The following MOB3B variants were observed in gnomAD, a reference collection of about 807,000 sequenced individuals.
MOB3B encodes the protein MOB kinase activator 3B.
MOB3B carries 7 observed loss-of-function variants against 18.7 expected under a neutral mutation model. The observed-to-expected ratio is 0.37, with a 90% CI of 0.21 to 0.70. MOB3B has a LOEUF of 0.70. Among genes scored for constraint, MOB3B ranks in the 30% least tolerant of loss-of-function variants. The probability of loss-of-function intolerance (pLI) is 0.52; values close to 1 mark genes in which losing one functional copy is unlikely to be tolerated. For missense variants in MOB3B, 253 were observed against 281.3 expected (o/e 0.90, Z 0.72); for synonymous variants, 111 against 99.9 (o/e 1.11, Z -0.66).
intron 2 of MOB3B, among the ~76,000 whole-genome samples, chr9:27,429,941 G>A (rs1186385442): frequency 6.6e-6 from 1 of 152,148 alleles, no homozygotes; most frequent in Non-Finnish European, 1.5e-5. Context: ...TAGTGTCTGA[G>A]GCAGACAGAT....
chr9:27,447,760 A>G (rs1267645692), intron 2 of MOB3B, among the ~76,000 whole-genome samples: 4 of 152,286 alleles, frequency 2.6e-5, no homozygotes, highest in South Asian at 2.1e-4. Context: ...AAGTCATTGC[A>G]GTATTGGGTT....
In MOB3B at chr9:27,443,492, C is replaced by T. The variant is rs371428748; in HGVS notation, c.418+11641G>A. ...TCTATCACTGAACCTTCTCAAACTG[C>T]GAAAGGTATTCTTAAATATCAGGAT... On this transcript the variant is annotated intron_variant, in intron 2 of 3. Coordinates refer to ENST00000262244, the MANE Select transcript of MOB3B (RefSeq NM_024761.5). Among the ~76,000 whole-genome samples, 6 of 152,278 alleles carry T rather than the reference C, an allele frequency of 3.9e-5. No homozygotes were observed. In the East Asian group the frequency reaches 5.8e-4, roughly 15 times the overall value.
At position 27,328,971 on chromosome 9, in the gene MOB3B, C is replaced by T. The variant is rs1307876658; in HGVS notation, c.*1616G>A. 6.6e-6 allele frequency: 1 copy of T among 152,560 alleles called. No individual in the cohort carries two copies. The allele number at this position is 152,560 out of a possible 1,614,324, so 9.5% of individuals were successfully genotyped here. A position where few individuals can be genotyped will look rare whatever the true frequency, so the allele number is the denominator to read the frequency against. ...ATTCCGTGAGATGACCTTTACGAGA[C>T]ACAAAGCAAGGTTCAGGCTGCTTGG... On this transcript the variant is annotated 3_prime_UTR_variant, in exon 4 of 4. Transcript: ENST00000262244.
Position 27,444,454 on chromosome 9 carries a change from T to G in MOB3B, c.418+10679A>C, listed in dbSNP as rs78437998. ...TTTTCAAGTTAATCATAAAGATATC[T>G]TCACAAGTACATCTGTACTTTAAAT... is the stretch of plus-strand genomic sequence containing the variant. On this transcript the variant is annotated intron_variant, in intron 2 of 3. Coordinates refer to ENST00000262244, the MANE Select transcript of MOB3B (RefSeq NM_024761.5). Among the ~76,000 whole-genome samples the G allele has an allele frequency of 3.9e-5, 6 of 152,336 alleles. No homozygotes were observed. The East Asian group carries it at 1.2e-3, about 29-fold the overall frequency.
chr9:27,516,702 T>G (rs148290124), intron 1 of MOB3B, among the ~76,000 whole-genome samples: 1 of 152,182 alleles, frequency 6.6e-6, no homozygotes, highest in South Asian at 2.1e-4. Flanking sequence ...CACTGTAACA[T>G]AGCATATTCT....
In MOB3B at chr9:27,362,947, G is replaced by A. The variant is rs188079249; in HGVS notation, c.419-3711C>T. Among the ~76,000 whole-genome samples the A allele has an allele frequency of 7.1e-4, 108 of 152,288 alleles. 1 individual carries two copies. The highest frequency in any genetic ancestry group is 1.5e-3 in the African/African-American group (61 of 41,564). On this transcript the variant is annotated intron_variant, in intron 2 of 3. Coordinates refer to ENST00000262244, the MANE Select transcript of MOB3B (RefSeq NM_024761.5). ...GGAAGAGGTTATCCCTTCAGATGGCGAGACCTCGGATGTCCACCCCTTCTG... is the reference window on the plus strand; with the variant it reads ...GGAAGAGGTTATCCCTTCAGATGGCAAGACCTCGGATGTCCACCCCTTCTG...
At chr9:27,383,470 T>C (rs1436685988) in intron 2 of MOB3B, among the ~76,000 whole-genome samples, 1 of 152,146 alleles carries the variant, frequency 6.6e-6, no homozygotes. Flanking sequence ...GCTCAAATGA[T>C]TCTAGACAAA....
At chr9:27,467,844 G>C (rs1819410316) in intron 1 of MOB3B, among the ~76,000 whole-genome samples, 1 of 152,242 alleles carries the variant, frequency 6.6e-6, no homozygotes, top group Admixed American at 6.5e-5. Context: ...AGAGTTTAGA[G>C]TTAACAGGCC....
intron 3 of MOB3B, among the ~76,000 whole-genome samples, chr9:27,356,495 A>G (rs1162234407): frequency 2.0e-5 from 3 of 152,186 alleles, no homozygotes; most frequent in Admixed American, 2.0e-4. Context: ...GAGTTTTCTG[A>G]TAGCAAAGAA....
chr9:27,486,837 G>C (rs1294346732), intron 1 of MOB3B, among the ~76,000 whole-genome samples: 1 of 152,202 alleles, frequency 6.6e-6, no homozygotes, highest in Non-Finnish European at 1.5e-5. Context: ...GCTTAAGAAT[G>C]CTTAGTGTTG....
At position 27,330,489 on chromosome 9, in the gene MOB3B, A is replaced by C; in HGVS notation, c.*98T>G. ...TGCCTCCACCTCTGCTGTTCCTGGG[A>C]GTAGGTGTGTCATTTCAGCCAGGGT... is the stretch of plus-strand genomic sequence containing the variant. On this transcript the variant is annotated 3_prime_UTR_variant, in exon 4 of 4. Transcript: ENST00000262244. 1 of 1,524,760 alleles carries C rather than the reference A, an allele frequency of 6.6e-7. No homozygotes were observed. Among genetic ancestry groups the C allele is most frequent in the Non-Finnish European group, 9.0e-7 (1 of 1,114,462 alleles). The allele number at this position is 1,524,760 out of a possible 1,614,324, so 94.5% of individuals were successfully genotyped here.
At chr9:27,372,922 G>A (rs1821443034) in intron 2 of MOB3B, among the ~76,000 whole-genome samples, 1 of 152,178 alleles carries the variant, frequency 6.6e-6, no homozygotes, top group Non-Finnish European at 1.5e-5. Context: ...AGATGTTAGC[G>A]ATACTGGAAA....
chr9:27,394,714 A>T (rs902080903), intron 2 of MOB3B, among the ~76,000 whole-genome samples: 1 of 152,250 alleles, frequency 6.6e-6, no homozygotes, highest in African/African-American at 2.4e-5. Flanking sequence ...GTGGCAGAGA[A>T]GTAATTAACT....
At chr9:27,450,343 T>C (rs893142374) in intron 2 of MOB3B, among the ~76,000 whole-genome samples, 3 of 152,094 alleles carry the variant, frequency 2.0e-5, no homozygotes, top group Non-Finnish European at 4.4e-5. Flanking sequence ...CAAACACTCA[T>C]TGAAAGAATA....
At chr9:27,516,884 A>G (rs1028486500) in intron 1 of MOB3B, among the ~76,000 whole-genome samples, 13 of 152,184 alleles carry the variant, frequency 8.5e-5, no homozygotes, top group Non-Finnish European at 1.2e-4. Flanking sequence ...CAACTGCTGG[A>G]TAGACATCTC....
intron 1 of MOB3B, among the ~76,000 whole-genome samples, chr9:27,522,242 CAAAAAA>C (rs1171362204): frequency 7.3e-4 from 41 of 56,042 alleles, no homozygotes; most frequent in African/African-American, 3.1e-3. Flanking sequence ...CCCCGTCTCA[CAAAAAA>C]AAAAAAAAAA....
chr9:27,396,666 A>C (rs1821804705), intron 2 of MOB3B, among the ~76,000 whole-genome samples: 1 of 152,192 alleles, frequency 6.6e-6, no homozygotes, highest in Non-Finnish European at 1.5e-5. Context: ...AATATGGCAG[A>C]ATTTATTCCA....
At chr9:27,374,216 ATT>A (rs34635444) in intron 2 of MOB3B, among the ~76,000 whole-genome samples, 63,533 of 148,576 alleles carry the variant, frequency 0.43, 14,105 homozygotes, top group African/African-American at 0.57. Context: ...TGTCTGAAGT[ATT>A]TTTTTTTTTT....
intron 1 of MOB3B, among the ~76,000 whole-genome samples, chr9:27,523,341 C>G (rs1220021514): frequency 6.6e-6 from 1 of 152,000 alleles, no homozygotes; most frequent in Non-Finnish European, 1.5e-5. Flanking sequence ...ACTCACATAC[C>G]TCCTCAGTGC....
Sources: gnomAD v4.1 joint callset for allele counts (sites outside exome capture counted in the v4.1 genomes callset) on GRCh38, gnomAD v4.1.1 for gene constraint, MANE v1.5 for transcripts, NCBI Gene and HGNC (gene_info 2026-07-23, HGNC 2026-07-21) for gene names.